MARCHF6: variants seen among roughly 807,000 people sequenced by gnomAD.
MARCHF6 encodes membrane associated ring-CH-type finger 6, also known as E3 ubiquitin-protein ligase MARCHF6.
MARCHF6 carries 31 observed loss-of-function variants against 133.7 expected under a neutral mutation model. That is an observed-to-expected ratio of 0.23 (90% CI 0.17 to 0.31). The LOEUF (loss-of-function observed/expected upper bound fraction) is 0.31, where lower values mean the gene tolerates loss of function less well. Among genes scored for constraint, MARCHF6 ranks in the 10% least tolerant of loss-of-function variants. The probability of loss-of-function intolerance (pLI) is 1.00; values close to 1 mark genes in which losing one functional copy is unlikely to be tolerated. For missense variants in MARCHF6, 723 were observed against 1,121.6 expected (o/e 0.64, Z 5.08); for synonymous variants, 395 against 402.5 (o/e 0.98, Z 0.22).
intron 25 of MARCHF6, among the ~76,000 whole-genome samples, 177 bp from the exon 26 acceptor site, chr5:10,433,417 T>C (rs1395502932): frequency 6.6e-6 from 1 of 152,246 alleles, no homozygotes; most frequent in Non-Finnish European, 1.5e-5. Flanking sequence ...TTCTGCAGCT[T>C]CCTACAAACC....
At chr5:10,382,427 A>G (rs1737203742) in intron 4 of MARCHF6, among the ~76,000 whole-genome samples, 2 of 149,170 alleles carry the variant, frequency 1.3e-5, no homozygotes, top group African/African-American at 5.0e-5. Context: ...AGATCGCACC[A>G]CTGCACTCCA....
intron 7 of MARCHF6, among the ~76,000 whole-genome samples, chr5:10,392,904 C>G: frequency 6.6e-6 from 1 of 152,152 alleles, no homozygotes; most frequent in Non-Finnish European, 1.5e-5. Context: ...CTCTTTGTGT[C>G]ACGTACTCTG....
At chr5:10,396,612 C>T (rs1414489248) in intron 9 of MARCHF6, among the ~76,000 whole-genome samples, 1 of 152,090 alleles carries the variant, frequency 6.6e-6, no homozygotes, top group Non-Finnish European at 1.5e-5. Context: ...AGGTTGTGGG[C>T]ATGAATGAAT....
At chr5:10,382,019 A>ATAT in intron 4 of MARCHF6, 76 bp downstream of exon 4, 1 of 1,356,948 alleles carries the variant, frequency 7.4e-7, no homozygotes, top group Non-Finnish European at 1.0e-6. Context: ...ATATTGCATC[A>ATAT]TATTATTATT....
intron 24 of MARCHF6, among the ~76,000 whole-genome samples, chr5:10,429,563 C>T (rs557690115): frequency 6.6e-6 from 1 of 152,174 alleles, no homozygotes; most frequent in South Asian, 2.1e-4. Context: ...CCACACCTGG[C>T]TAATTTTTGT....
chr5:10,359,482 G>A (rs567026481), intron 1 of MARCHF6, among the ~76,000 whole-genome samples: 13 of 151,956 alleles, frequency 8.6e-5, no homozygotes, highest in South Asian at 2.1e-4. Context: ...AATACAGTAC[G>A]CAATACATAT....
At chr5:10,421,511 T>A (rs914162103) in intron 22 of MARCHF6, among the ~76,000 whole-genome samples, 1 of 152,220 alleles carries the variant, frequency 6.6e-6, no homozygotes, top group African/African-American at 2.4e-5. Context: ...TTTAAGCTAC[T>A]TGCCTTTCCT....
At chr5:10,430,540 G>A (rs994974324) in intron 25 of MARCHF6, among the ~76,000 whole-genome samples, 2 of 152,026 alleles carry the variant, frequency 1.3e-5, no homozygotes, top group African/African-American at 4.8e-5. Context: ...TCCTAACCTC[G>A]TGATCCACCT....
At chr5:10,389,882 T>C (rs1304293619) in intron 5 of MARCHF6, among the ~76,000 whole-genome samples, 2 of 152,230 alleles carry the variant, frequency 1.3e-5, no homozygotes, top group African/African-American at 4.8e-5. Flanking sequence ...AATCAAGTTT[T>C]TAAACATGTG....
chr5:10,418,372 C>A (rs554882651), intron 22 of MARCHF6, among the ~76,000 whole-genome samples: 1 of 146,798 alleles, frequency 6.8e-6, no homozygotes, highest in Admixed American at 6.7e-5. Flanking sequence ...AAGAGTGAGA[C>A]CCTGTCTCCA....
chr5:10,415,442 T>C lies in MARCHF6; in HGVS notation c.1967-46T>C, dbSNP rs368388050. 7 of 1,530,334 alleles carry C rather than the reference T, an allele frequency of 4.6e-6. No homozygotes were observed. In the African/African-American group the frequency reaches 9.6e-5, roughly 21 times the overall value. 94.8% of individuals were successfully genotyped at this position (1,530,334 alleles called of 1,614,324 possible). A position where few individuals can be genotyped will look rare whatever the true frequency, so the allele number is the denominator to read the frequency against. On this transcript the variant is annotated intron_variant, in intron 20 of 25. Coordinates refer to ENST00000274140, the MANE Select transcript of MARCHF6 (RefSeq NM_005885.4). ...CATAACAACATGAAGATGACAATTC[T>C]CTTTACCTAGCCACATGTCTCATTT...
At chr5:10,368,598 T>TA (rs1212395660) in intron 1 of MARCHF6, among the ~76,000 whole-genome samples, 1 of 152,162 alleles carries the variant, frequency 6.6e-6, no homozygotes, top group Admixed American at 6.5e-5. Flanking sequence ...CTTTTTGAGA[T>TA]AGAGTCTTGC....
chr5:10,407,071 T>C (rs759185681), intron 16 of MARCHF6, 31 bp from the exon 17 acceptor site: 38 of 1,231,086 alleles, frequency 3.1e-5, no homozygotes, highest in South Asian at 4.9e-5. Flanking sequence ...TTGACTCTTA[T>C]AGTGGTGTCA....
chr5:10,422,020 C>G (rs540265839), intron 22 of MARCHF6: 1 of 152,296 alleles, frequency 6.6e-6, no homozygotes, highest in East Asian at 1.9e-4. Context: ...CATGAGCTTC[C>G]AGAGAGAAGA....
chr5:10,410,307 G>C (rs761400627), intron 18 of MARCHF6, 31 bp downstream of exon 18: 1 of 1,604,518 alleles, frequency 6.2e-7, no homozygotes, highest in Non-Finnish European at 8.5e-7. Context: ...CCTTGGACAT[G>C]CATGTCATTT....
intron 20 of MARCHF6, among the ~76,000 whole-genome samples, chr5:10,415,149 A>C (rs1490091012): frequency 6.6e-6 from 1 of 152,226 alleles, no homozygotes; most frequent in East Asian, 1.9e-4. Flanking sequence ...TTGTCCTATT[A>C]TTTGCATAAC....
chr5:10,364,114 T>C (rs987636333), intron 1 of MARCHF6, among the ~76,000 whole-genome samples: 4 of 152,250 alleles, frequency 2.6e-5, no homozygotes, highest in Non-Finnish European at 5.9e-5. Flanking sequence ...ATAAAATTGT[T>C]AATTAAAACT....
chr5:10,422,939 C>T (rs781396609), intron 22 of MARCHF6, among the ~76,000 whole-genome samples: 3 of 150,804 alleles, frequency 2.0e-5, no homozygotes, highest in Admixed American at 6.6e-5. Flanking sequence ...AGAGGACTCC[C>T]GTCTTTTCTG....
At chr5:10,389,443 C>A (rs1250046566) in intron 5 of MARCHF6, among the ~76,000 whole-genome samples, 1 of 151,928 alleles carries the variant, frequency 6.6e-6, no homozygotes. Context: ...CACTCTGTAC[C>A]CATGCTGGAG....
Sources: gnomAD v4.1 joint callset for allele counts (sites outside exome capture counted in the v4.1 genomes callset) on GRCh38, gnomAD v4.1.1 for gene constraint, MANE v1.5 for transcripts, NCBI Gene and HGNC (gene_info 2026-07-23, HGNC 2026-07-21) for gene names.